CYB5A: variants seen among roughly 807,000 people sequenced by gnomAD.
CYB5A encodes cytochrome b5 type A.
A neutral mutation model predicts 16.2 loss-of-function variants in CYB5A; 10 were observed. The ratio of observed to expected loss-of-function variants is 0.62; its 90% CI spans 0.38 to 1.04. CYB5A has a LOEUF of 1.04. Among genes scored for constraint, CYB5A ranks in the 50% least tolerant of loss-of-function variants. The pLI is 0.01. For synonymous variants in CYB5A, 62 were observed against 57.0 expected (o/e 1.09, Z -0.40); for missense variants, 161 against 165.9 (o/e 0.97, Z 0.16).
intron 1 of CYB5A, among the ~76,000 whole-genome samples, chr18:74,288,047 A>T (rs1271323637): frequency 1.3e-5 from 2 of 152,236 alleles, no homozygotes; most frequent in Non-Finnish European, 2.9e-5. Context: ...AAAGCTCAAA[A>T]TCTTTTAAGT....
chr18:74,285,779 G>A (rs1983294105), intron 1 of CYB5A, among the ~76,000 whole-genome samples: 2 of 149,974 alleles, frequency 1.3e-5, no homozygotes, highest in South Asian at 4.2e-4. Flanking sequence ...TTGAGCCCAG[G>A]AGGTCAAGGC....
At chr18:74,267,723 T>C (rs953989500) in intron 1 of CYB5A, among the ~76,000 whole-genome samples, 1 of 152,080 alleles carries the variant, frequency 6.6e-6, no homozygotes, top group African/African-American at 2.4e-5. Flanking sequence ...TACACATAGG[T>C]AAGATTAGAG....
rs115463706 is a variant in CYB5A at position 74,284,780 on chromosome 18, G to A, written c.129+6967C>T. Among the ~76,000 whole-genome samples the A allele has an allele frequency of 9.7e-3, 1,479 of 152,222 alleles. 28 individuals carry two copies. Among genetic ancestry groups the A allele is most frequent in the African/African-American group, 0.033 (1,389 of 41,530 alleles). ...TCGCCCCCTCCAGAGCCTCCCCAGC[G>A]TCAGTGCTGGTTCAGATGCCATCAT... On this transcript the variant is annotated intron_variant, in intron 1 of 4. Coordinates refer to ENST00000340533, the MANE Select transcript of CYB5A (RefSeq NM_148923.4).
chr18:74,264,669 T>C (rs574986814), intron 1 of CYB5A, among the ~76,000 whole-genome samples: 2 of 152,192 alleles, frequency 1.3e-5, no homozygotes, highest in Non-Finnish European at 2.9e-5. Flanking sequence ...CAGGACACAA[T>C]GGAGGCACGG....
chr18:74,284,094 G>C (rs1437439677), intron 1 of CYB5A, among the ~76,000 whole-genome samples: 1 of 152,052 alleles, frequency 6.6e-6, no homozygotes, highest in African/African-American at 2.4e-5. Flanking sequence ...TAGTCAGCCT[G>C]GTGGTGCATG....
chr18:74,288,879 C>T (rs1017105511), intron 1 of CYB5A, among the ~76,000 whole-genome samples: 4 of 152,186 alleles, frequency 2.6e-5, no homozygotes, highest in Non-Finnish European at 4.4e-5. Context: ...TGGAAAAACA[C>T]GTCCATAAGA....
chr18:74,276,779 A>C (rs1982898195), intron 1 of CYB5A, among the ~76,000 whole-genome samples: 2 of 152,204 alleles, frequency 1.3e-5, no homozygotes, highest in African/African-American at 4.8e-5. Flanking sequence ...TACTAAGAGG[A>C]GAGCCACTTT....
intron 1 of CYB5A, among the ~76,000 whole-genome samples, chr18:74,265,022 T>G (rs992883528): frequency 6.6e-6 from 1 of 152,204 alleles, no homozygotes; most frequent in Non-Finnish European, 1.5e-5. Flanking sequence ...GCAAGTCACC[T>G]GCAAGTGTCC....
intron 3 of CYB5A, chr18:74,259,778 G>A (rs1982125913): frequency 6.6e-6 from 1 of 152,104 alleles, no homozygotes; most frequent in Non-Finnish European, 1.5e-5. Flanking sequence ...AATTTCAGCT[G>A]TCCAAAAAGT....
chr18:74,284,233 CAAA>C (rs1308439463), intron 1 of CYB5A, among the ~76,000 whole-genome samples: 5 of 73,104 alleles, frequency 6.8e-5, no homozygotes, highest in Middle Eastern at 8.8e-3. Context: ...ACTCCATCTC[CAAA>C]AAAAAAAAAA....
intron 1 of CYB5A, among the ~76,000 whole-genome samples, chr18:74,274,130 T>C (rs1406534255): frequency 2.0e-5 from 3 of 152,126 alleles, no homozygotes; most frequent in African/African-American, 7.2e-5. Flanking sequence ...CAGAGTAAAA[T>C]AGCAGAAGGT....
chr18:74,273,764 T>C (rs965051116), intron 1 of CYB5A, among the ~76,000 whole-genome samples: 1 of 152,236 alleles, frequency 6.6e-6, no homozygotes, highest in African/African-American at 2.4e-5. Context: ...GAGCCAGCTC[T>C]ACACTCACAG....
intron 1 of CYB5A, among the ~76,000 whole-genome samples, chr18:74,272,278 G>A (rs543601399): frequency 1.3e-5 from 2 of 152,302 alleles, no homozygotes; most frequent in South Asian, 4.1e-4. Context: ...CTGGGTATCA[G>A]TTTAAGAGTG....
In CYB5A at chr18:74,267,423, T is replaced by C. The variant is rs536105346; in HGVS notation, c.130-3946A>G. 7.2e-5 allele frequency among the ~76,000 whole-genome samples: 11 copies of C among 152,230 alleles called. No individual in the cohort carries two copies. The East Asian group carries it at 2.1e-3, about 29-fold the overall frequency. Reference sequence around the variant, plus strand: ...CCACCTGCCTCGGCCTCACAAAGTGTTGGGATTACAGGCGTGAGCCACACA... The same window carrying C: ...CCACCTGCCTCGGCCTCACAAAGTGCTGGGATTACAGGCGTGAGCCACACA... On this transcript the variant is annotated intron_variant, in intron 1 of 4. Coordinates refer to ENST00000340533, the MANE Select transcript of CYB5A (RefSeq NM_148923.4).
At chr18:74,268,734 CTGGAGCCAA>C (rs1447612232) in intron 1 of CYB5A, among the ~76,000 whole-genome samples, 1 of 152,076 alleles carries the variant, frequency 6.6e-6, no homozygotes, top group Non-Finnish European at 1.5e-5. Context: ...GGAAGTGCCA[CTGGAGCCAA>C]TGTTTGGTTT....
intron 1 of CYB5A, among the ~76,000 whole-genome samples, chr18:74,265,872 A>T (rs1238579347): frequency 6.6e-6 from 1 of 152,172 alleles, no homozygotes; most frequent in Non-Finnish European, 1.5e-5. Context: ...TTCATAAGGG[A>T]TCTGCCCCCA....
chr18:74,277,590 G>A (rs1982929283), intron 1 of CYB5A, among the ~76,000 whole-genome samples: 1 of 152,214 alleles, frequency 6.6e-6, no homozygotes, highest in Admixed American at 6.5e-5. Context: ...CATGTAAACA[G>A]ATAGCTAAAT....
At chr18:74,257,281 C>T (rs1982023950) in intron 3 of CYB5A, 1 of 199,498 alleles carries the variant, frequency 5.0e-6, no homozygotes, top group Admixed American at 5.4e-5. Context: ...GGTTAAAACA[C>T]TACTCTGGCA....
chr18:74,275,875 G>A (rs1982852140), intron 1 of CYB5A, among the ~76,000 whole-genome samples: 1 of 152,180 alleles, frequency 6.6e-6, no homozygotes, highest in Non-Finnish European at 1.5e-5. Flanking sequence ...TGAAGAACAT[G>A]CTGGAGGAGC....
Sources: allele counts gnomAD v4.1 joint callset (sites outside exome capture counted in the v4.1 genomes callset), GRCh38; gene constraint gnomAD v4.1.1; transcripts MANE v1.5; gene names NCBI Gene and HGNC (gene_info 2026-07-23, HGNC 2026-07-21).